Variants in ST8SIA6 observed in about 807,000 individuals in gnomAD.
ST8SIA6 encodes alpha-2,8-sialyltransferase 8F.
ST8SIA6 carries 39 observed loss-of-function variants against 33.6 expected under a neutral mutation model. The ratio of observed to expected loss-of-function variants is 1.16; its 90% confidence interval spans 0.90 to 1.52. The LOEUF (loss-of-function observed/expected upper bound fraction) is 1.52. ST8SIA6 is among the 40% of genes most tolerant of loss of function. The pLI is 0.00. For synonymous variants in ST8SIA6, 172 were observed against 167.2 expected, an observed-to-expected ratio of 1.03 and a Z score of -0.22; for missense variants, 441 against 443.8, an observed-to-expected ratio of 0.99 and a Z score of 0.06.
intron 2 of ST8SIA6, among the ~76,000 whole-genome samples, chr10:17,428,896 C>T (rs1350995588): frequency 2.0e-5 from 3 of 152,098 alleles, no homozygotes. Context: ...GTAGGTGGGG[C>T]AGAAGTCAGT....
At chr10:17,369,989 CTGACTT>C (rs1333118083) in intron 3 of ST8SIA6, among the ~76,000 whole-genome samples, 1 of 147,204 alleles carries the variant, frequency 6.8e-6, no homozygotes, top group African/African-American at 2.5e-5. Flanking sequence ...GTGACAATCA[CTGACTT>C]TTTTTTTTTT....
intron 2 of ST8SIA6, chr10:17,409,951 A>G (rs958052359): frequency 3.9e-5 from 6 of 152,152 alleles, no homozygotes; most frequent in African/African-American, 1.4e-4. Flanking sequence ...ACCAATGAAA[A>G]CCGGTCCAAG....
rs1472120945 is a variant in ST8SIA6, at chr10:17,453,502, C to G, written c.200+57G>C. On this transcript the variant is annotated intron_variant, in intron 2 of 7. Coordinates refer to ENST00000377602, the MANE Select transcript of ST8SIA6 (RefSeq NM_001004470.3). ...GAGTCCAAGCCGGTGCAGCCGCGCC[C>G]CATGCCCGGCTCGCAGCTCCCGAGC... 4.1e-6 allele frequency: 5 copies of G among 1,233,346 alleles called. No individual in the cohort carries two copies. The East Asian group carries it at 1.3e-4, about 31-fold the overall frequency. 76.4% of individuals were successfully genotyped at this position (1,233,346 alleles called of 1,614,324 possible).
At chr10:17,380,831 T>G (rs1205472790) in intron 3 of ST8SIA6, among the ~76,000 whole-genome samples, 1 of 132,512 alleles carries the variant, frequency 7.5e-6, no homozygotes, top group Non-Finnish European at 1.6e-5. Context: ...GTTTGTGTGT[T>G]TGTATGTGTA....
At chr10:17,425,643 A>AAGAC (rs1456191062) in intron 2 of ST8SIA6, among the ~76,000 whole-genome samples, 7 of 148,282 alleles carry the variant, frequency 4.7e-5, no homozygotes, top group Non-Finnish European at 9.0e-5. Flanking sequence ...GAGAGGAAGA[A>AAGAC]AGGAGGGAGG....
chr10:17,323,942 C>A (rs925944182), intron 6 of ST8SIA6, among the ~76,000 whole-genome samples: 2 of 152,052 alleles, frequency 1.3e-5, no homozygotes, highest in African/African-American at 4.8e-5. Flanking sequence ...CAAATCAAAA[C>A]CTCCCAATTC....
intron 2 of ST8SIA6, among the ~76,000 whole-genome samples, chr10:17,431,410 C>CCA (rs1486008785): frequency 6.6e-6 from 1 of 152,068 alleles, no homozygotes; most frequent in African/African-American, 2.4e-5. Context: ...TAATGATATA[C>CCA]CAATTTGAAA....
chr10:17,332,229 T>C (rs1457473092), intron 4 of ST8SIA6, among the ~76,000 whole-genome samples: 2 of 152,248 alleles, frequency 1.3e-5, no homozygotes, highest in Non-Finnish European at 2.9e-5. Context: ...GTCTTTGCTA[T>C]TGTAAACAGT....
chr10:17,452,103 T>G (rs1407279419), intron 2 of ST8SIA6, among the ~76,000 whole-genome samples: 2 of 152,208 alleles, frequency 1.3e-5, no homozygotes, highest in Middle Eastern at 3.2e-3. Flanking sequence ...ATGGAATGCT[T>G]CTCAGCTCAT....
chr10:17,339,722 T>G (rs1177241643), intron 4 of ST8SIA6, among the ~76,000 whole-genome samples: 5 of 152,178 alleles, frequency 3.3e-5, no homozygotes. Flanking sequence ...GCTAAATATT[T>G]TACATAGATT....
chr10:17,404,606 C>T (rs773233052), intron 2 of ST8SIA6, among the ~76,000 whole-genome samples: 17 of 152,216 alleles, frequency 1.1e-4, no homozygotes, highest in African/African-American at 3.9e-4. Flanking sequence ...CTTCATCCCT[C>T]ACCATGCCCT....
intron 3 of ST8SIA6, among the ~76,000 whole-genome samples, chr10:17,376,306 A>G (rs1849915190): frequency 6.6e-6 from 1 of 152,168 alleles, no homozygotes; most frequent in South Asian, 2.1e-4. Context: ...GCCACCCAGG[A>G]GCGTTGCCTG....
chr10:17,452,537 T>G (rs1480278311), intron 2 of ST8SIA6, among the ~76,000 whole-genome samples: 1 of 152,226 alleles, frequency 6.6e-6, no homozygotes, highest in African/African-American at 2.4e-5. Context: ...ACTGACAATG[T>G]GACTTAGAAT....
Position 17,320,706 on chromosome 10 carries a change from G to C in ST8SIA6, c.*172C>G. 1 of 620,516 alleles carries C rather than the reference G, an allele frequency of 1.6e-6. No homozygotes were observed. The highest frequency in any genetic ancestry group is 2.0e-5 in the South Asian group (1 of 48,818). The allele number at this position is 620,516 out of a possible 1,614,324, so 38.4% of individuals were successfully genotyped here. On this transcript the variant is annotated 3_prime_UTR_variant, in exon 8 of 8. Coordinates refer to ENST00000377602, the MANE Select transcript of ST8SIA6 (RefSeq NM_001004470.3). ...TGTTATAAGGAGAAAAAATGAAGAT[G>C]AGAAGGATTGAATGACTTGCCATCA...
chr10:17,400,404 T>C (rs1210523038), intron 2 of ST8SIA6, among the ~76,000 whole-genome samples: 3 of 152,196 alleles, frequency 2.0e-5, no homozygotes, highest in South Asian at 2.1e-4. Context: ...TGGTGGCACA[T>C]ACCTGTAATC....
chr10:17,353,914 TAGTG>T (rs1849110163), intron 4 of ST8SIA6, among the ~76,000 whole-genome samples: 1 of 152,066 alleles, frequency 6.6e-6, no homozygotes, highest in African/African-American at 2.4e-5. Flanking sequence ...AACAAAATAA[TAGTG>T]TGTGTATTTC....
intron 3 of ST8SIA6, among the ~76,000 whole-genome samples, chr10:17,379,636 C>T (rs1184622941): frequency 1.3e-5 from 2 of 152,162 alleles, no homozygotes; most frequent in Non-Finnish European, 2.9e-5. Flanking sequence ...CCTGGAAGTT[C>T]CCTCCCTGCT....
intron 2 of ST8SIA6, among the ~76,000 whole-genome samples, chr10:17,440,607 C>T (rs2131735363): frequency 6.6e-6 from 1 of 152,312 alleles, no homozygotes; most frequent in East Asian, 1.9e-4. Context: ...CTGTGCACTA[C>T]ACCGGCTATG....
At chr10:17,426,214 G>C (rs1851934611) in intron 2 of ST8SIA6, among the ~76,000 whole-genome samples, 1 of 152,166 alleles carries the variant, frequency 6.6e-6, no homozygotes, top group Admixed American at 6.6e-5. Context: ...GCCCTGCTGT[G>C]AACATGTGGG....
Sources: allele counts gnomAD v4.1 joint callset (sites outside exome capture counted in the v4.1 genomes callset), GRCh38; gene constraint gnomAD v4.1.1; transcripts MANE v1.5; gene names NCBI Gene and HGNC (gene_info 2026-07-23, HGNC 2026-07-21).